ORC5: variants seen among roughly 807,000 people sequenced by gnomAD.
ORC5 encodes protein phosphatase 1, regulatory subunit 117.
A neutral mutation model predicts 58.8 loss-of-function variants in ORC5; 39 were observed. The ratio of observed to expected loss-of-function variants is 0.66; its 90% CI spans 0.51 to 0.87. The LOEUF (loss-of-function observed/expected upper bound fraction) is 0.87. Ranked by LOEUF, ORC5 falls within the 40% of genes least tolerant of loss-of-function variation. The pLI, the probability that ORC5 is intolerant of heterozygous loss-of-function variation, is 0.00. For synonymous variants in ORC5, 218 were observed against 177.6 expected (o/e 1.23, Z -1.81); for missense variants, 493 against 506.3 (o/e 0.97, Z 0.25).
At position 104,186,472 on chromosome 7, in the gene ORC5, T is replaced by C. The variant is rs1562823962; in HGVS notation, c.684+1779A>G. On this transcript the variant is annotated intron_variant, in intron 6 of 13. Transcript: ENST00000297431. ...ATGTTTAATAATTTATGAATAACAG[T>C]TAAAAAGGCAGTATCATAAGGTTTG... Among the ~76,000 whole-genome samples the C allele has an allele frequency of 4.6e-5, 7 of 152,084 alleles. No homozygotes were observed. In the South Asian group the frequency reaches 1.5e-3, roughly 32 times the overall value.
Position 104,183,926 on chromosome 7 carries a change from A to C in ORC5, c.824+17T>G, listed in dbSNP as rs1178433624. The C allele has an allele frequency of 6.5e-7, 1 of 1,537,756 alleles. No individual in the cohort carries two copies. The highest frequency in any genetic ancestry group is 1.1e-5 in the South Asian group (1 of 87,556). ...TAAAGATATAAAAACTAGTATGCAT[A>C]CTAAATAGAAAATTACCTTGATATT... On this transcript the variant is annotated intron_variant, in intron 8 of 13. Transcript: ENST00000297431.
At chr7:104,150,713 T>A (rs868863723) in intron 12 of ORC5, among the ~76,000 whole-genome samples, 1 of 152,170 alleles carries the variant, frequency 6.6e-6, no homozygotes, top group Non-Finnish European at 1.5e-5. Flanking sequence ...AGACCATAAA[T>A]GCCTGTTAGG....
At chr7:104,167,208 A>G (rs1354069814) in intron 9 of ORC5, among the ~76,000 whole-genome samples, 1 of 152,184 alleles carries the variant, frequency 6.6e-6, no homozygotes, top group Non-Finnish European at 1.5e-5. Flanking sequence ...TATTTCTACT[A>G]TGAATTCCTA....
chr7:104,158,772 A>G (rs557195049), intron 12 of ORC5, among the ~76,000 whole-genome samples: 2 of 151,874 alleles, frequency 1.3e-5, no homozygotes, highest in Admixed American at 1.3e-4. Flanking sequence ...TCAAAACCAC[A>G]ATGAGATACC....
chr7:104,183,689 T>C (rs532936414), intron 8 of ORC5, among the ~76,000 whole-genome samples: 25 of 152,380 alleles, frequency 1.6e-4, no homozygotes, highest in African/African-American at 5.8e-4. Flanking sequence ...ATCCTTGTAA[T>C]TGATCCTTGT....
rs530617814 is a variant in ORC5 at position 104,181,912 on chromosome 7, G to A, written c.824+2031C>T. Among the ~76,000 whole-genome samples, 51 of 151,970 alleles carry A rather than the reference G, an allele frequency of 3.4e-4. No homozygotes were observed. The South Asian group carries it at 4.2e-3, about 12-fold the overall frequency. On this transcript the variant is annotated intron_variant, in intron 8 of 13. Coordinates refer to ENST00000297431, the MANE Select transcript of ORC5 (RefSeq NM_002553.4). ...GGCCCAGGAACTAAAATCTTAAATC[G>A]GCCTTGGTTTGACTTCCTAGACTCA...
chr7:104,197,981 A>G (rs183907406), intron 3 of ORC5, among the ~76,000 whole-genome samples, 182 bp from the exon 4 acceptor site: 23 of 152,144 alleles, frequency 1.5e-4, no homozygotes, highest in African/African-American at 5.5e-4. Flanking sequence ...TCATGAATGA[A>G]TTAATATTGT....
chr7:104,206,043 A>C (rs1800074177), intron 1 of ORC5, among the ~76,000 whole-genome samples: 1 of 152,222 alleles, frequency 6.6e-6, no homozygotes, highest in African/African-American at 2.4e-5. Context: ...CTCAAGAATT[A>C]AATGCATGTT....
chr7:104,205,803 G>C (rs545742933), intron 1 of ORC5, among the ~76,000 whole-genome samples: 4 of 152,306 alleles, frequency 2.6e-5, no homozygotes, highest in African/African-American at 9.6e-5. Context: ...GATCACTTGA[G>C]TTCAGGAGTT....
rs35974195 is a variant in ORC5, at chr7:104,201,741, C to CAA, written c.166-785_166-784dup. 1.3e-3 allele frequency among the ~76,000 whole-genome samples: 185 copies of CAA among 147,442 alleles called. 2 individuals carry two copies. Among genetic ancestry groups the CAA allele is most frequent in the Non-Finnish European group, 1.3e-3 (87 of 66,852 alleles). The stretch of plus-strand genomic sequence containing the variant: ...ATCCTTGAATAAACGTTTACTAAGT[C>CAA]AAAAAAAAAAAGAATTTTAAGAGTT... On this transcript the variant is annotated intron_variant, in intron 2 of 13. Transcript: ENST00000297431.
intron 8 of ORC5, among the ~76,000 whole-genome samples, chr7:104,183,095 A>G (rs958433325): frequency 6.6e-6 from 1 of 152,210 alleles, no homozygotes; most frequent in African/African-American, 2.4e-5. Context: ...AGATTGCGCC[A>G]TTGCACTCCA....
rs533063232 is a variant in ORC5, at chr7:104,207,777, G to A, written c.72+56C>T. ...GAAAAAACAAATATTGGAACAGGTC[G>A]CAAGACTACCGAAACGTCTGCCTCC... On this transcript the variant is annotated intron_variant, in intron 1 of 13. Coordinates refer to ENST00000297431, the MANE Select transcript of ORC5 (RefSeq NM_002553.4). 140 of 1,523,322 alleles carry A rather than the reference G, an allele frequency of 9.2e-5. No homozygotes were observed. The African/African-American group carries it at 1.6e-3, about 17-fold the overall frequency. 94.4% of individuals were successfully genotyped at this position (1,523,322 alleles called of 1,614,324 possible). A position where few individuals can be genotyped will look rare whatever the true frequency, so the allele number is the denominator to read the frequency against.
chr7:104,188,607 C>T (rs1011692391), intron 5 of ORC5, among the ~76,000 whole-genome samples: 6 of 152,138 alleles, frequency 3.9e-5, no homozygotes, highest in Admixed American at 3.9e-4. Flanking sequence ...TCTAAAAACC[C>T]TCATAATTCC....
intron 13 of ORC5, among the ~76,000 whole-genome samples, chr7:104,132,049 C>T (rs116829513): frequency 0.015 from 2,273 of 152,126 alleles, 67 homozygotes; most frequent in African/African-American, 0.052. Context: ...GTTAAATAAA[C>T]GAATGAAAAA....
chr7:104,168,085 A>G (rs1354970931), intron 9 of ORC5: 1 of 192,122 alleles, frequency 5.2e-6, no homozygotes, highest in Non-Finnish European at 1.0e-5. Context: ...TCAAAACATA[A>G]CCACCAAAGT....
Position 104,188,347 on chromosome 7 carries a change from A to C in ORC5, c.588T>G (p.Pro196=), listed in dbSNP as rs1290158632. Residue 196 remains proline, a synonymous_variant, in exon 6 of 14, where the codon CCT becomes CCG. Transcript: ENST00000297431. ...NLQKILSHDH[P]PEYSADFYAA... is the part of the protein sequence containing the mutation. ...CATAGAAATCAGCTGAATACTCTGGAGGATGATCATGGGACAGGATCTTTT... is the reference window on the plus strand; with the variant it reads ...CATAGAAATCAGCTGAATACTCTGGCGGATGATCATGGGACAGGATCTTTT... 2.5e-6 allele frequency: 4 copies of C among 1,610,580 alleles called. No individual in the cohort carries two copies. Among genetic ancestry groups the C allele is most frequent in the Non-Finnish European group, 3.4e-6 (4 of 1,177,124 alleles).
intron 5 of ORC5, among the ~76,000 whole-genome samples, chr7:104,189,384 A>T (rs562516771): frequency 6.6e-6 from 1 of 152,232 alleles, no homozygotes; most frequent in South Asian, 2.1e-4. Flanking sequence ...TGAGAACAGC[A>T]TGGGGGAATC....
At chr7:104,203,644 T>C (rs1352771733) in intron 2 of ORC5, among the ~76,000 whole-genome samples, 1 of 152,214 alleles carries the variant, frequency 6.6e-6, no homozygotes, top group African/African-American at 2.4e-5. Flanking sequence ...AACATGAGTC[T>C]GCCAGACTCC....
At chr7:104,146,987 A>T (rs1798763248) in intron 12 of ORC5, among the ~76,000 whole-genome samples, 1 of 152,196 alleles carries the variant, frequency 6.6e-6, no homozygotes, top group African/African-American at 2.4e-5. Context: ...ATTACCTCAA[A>T]AAAGCTTAAT....
Sources: gnomAD v4.1 joint callset for allele counts (sites outside exome capture counted in the v4.1 genomes callset) on GRCh38, gnomAD v4.1.1 for gene constraint, MANE v1.5 for transcripts, NCBI Gene and HGNC (gene_info 2026-07-23, HGNC 2026-07-21) for gene names.